Variants in ADGRF1 observed in about 807,000 individuals in gnomAD.
ADGRF1 encodes the protein G protein-coupled receptor 110.
Under a neutral mutation model 87.2 loss-of-function variants are expected in ADGRF1, and 85 were observed. The ratio of observed to expected loss-of-function variants is 0.97; its 90% CI spans 0.82 to 1.17. The LOEUF is 1.17. ADGRF1 is among the 50% of genes most tolerant of loss of function. ADGRF1 has a pLI of 0.00. For synonymous variants in ADGRF1, 430 were observed against 408.8 expected (o/e 1.05, Z -0.63); for missense variants, 1,169 against 1,077.2 (o/e 1.09, Z -1.19).
rs544831989 is a variant in ADGRF1 at position 46,999,266 on chromosome 6, G to C, written c.*956C>G. The stretch of plus-strand genomic sequence containing the variant: ...ATGAAAGAAAATAAGGATGTTTTAA[G>C]GTACCTCCCTGGAAGCTGACAACCA... On this transcript the variant is annotated 3_prime_UTR_variant, in exon 15 of 15. Coordinates refer to ENST00000371253, the MANE Select transcript of ADGRF1 (RefSeq NM_153840.4). 1 of 152,178 alleles carries C rather than the reference G, an allele frequency of 6.6e-6. No individual in the cohort carries two copies. The highest frequency in any genetic ancestry group is 1.5e-5 in the Non-Finnish European group (1 of 68,034). The allele number at this position is 152,178 out of a possible 1,614,324, so 9.4% of individuals were successfully genotyped here. A position where few individuals can be genotyped will look rare whatever the true frequency, so the allele number is the denominator to read the frequency against.
Position 47,012,192 on chromosome 6 carries a change from A to T in ADGRF1, c.931T>A (p.Phe311Ile), listed in dbSNP as rs752436331. The change falls in exon 10 of 15, where the codon TTC (phenylalanine) becomes ATC (isoleucine). Residue 311 changes from phenylalanine (F) to isoleucine (I), a missense_variant. Coordinates refer to ENST00000371253, the MANE Select transcript of ADGRF1 (RefSeq NM_153840.4). ...LSLLEELNKN[F>I]SMIVGNATEA... The stretch of plus-strand genomic sequence containing the variant: ...GTGGCATTGCCTACAATCATACTGA[A>T]ATTCTAGAAGCGAAAATGGTTAAGT... The T allele has an allele frequency of 2.5e-6, 4 of 1,604,854 alleles. No homozygotes were observed. In the Admixed American group the frequency reaches 6.7e-5, roughly 27 times the overall value.
At chr6:47,005,711 A>G (rs1779505610) in intron 13 of ADGRF1, 106 bp downstream of exon 13, 2 of 688,560 alleles carry the variant, frequency 2.9e-6, no homozygotes, top group African/African-American at 3.6e-5. Flanking sequence ...GGTGAAAGAA[A>G]TTCAAGGGGT....
intron 7 of ADGRF1, chr6:47,017,068 GAGGCCAGCTATGCAAAGAAGAAA>G (rs1285132017): frequency 1.1e-4 from 17 of 158,932 alleles, no homozygotes; most frequent in Non-Finnish European, 1.6e-4. Context: ...GCTGAGGCCT[GAGGCCAGCTATGCAAAGAAGAAA>G]AGGCCAGCTA....
rs374075389 is a variant in ADGRF1 at position 47,039,823 on chromosome 6, G to A, written c.-44+2368C>T. ...CTAAAAATACAAAAATTAGCCAGGCGTAGTGGCAGATGCCTGTAATCCCAG... is the reference window on the plus strand; with the variant it reads ...CTAAAAATACAAAAATTAGCCAGGCATAGTGGCAGATGCCTGTAATCCCAG... On this transcript the variant is annotated intron_variant, in intron 1 of 14. Coordinates refer to ENST00000371253, the MANE Select transcript of ADGRF1 (RefSeq NM_153840.4). Among the ~76,000 whole-genome samples, 33 of 152,142 alleles carry A rather than the reference G, an allele frequency of 2.2e-4. 1 individual carries two copies. The highest frequency in any genetic ancestry group is 3.8e-4 in the Non-Finnish European group (26 of 68,006).
chr6:47,019,418 TCA>T (rs2113891929), intron 7 of ADGRF1: 1 of 973,246 alleles, frequency 1.0e-6, no homozygotes, highest in Non-Finnish European at 1.2e-6. Flanking sequence ...ATGCAGAGGC[TCA>T]CACCTGTAAT....
chr6:46,998,013 C>T lies in ADGRF1; in HGVS notation c.*2209G>A, dbSNP rs1219275292. ...ATTTAGTACTAAATTTTTCTTCCCT[C>T]TCCAACTGAGTCTTGTGTTGAGTTG... On this transcript the variant is annotated 3_prime_UTR_variant, in exon 15 of 15. Transcript: ENST00000371253. 1 of 152,188 alleles carries T rather than the reference C, an allele frequency of 6.6e-6. No individual in the cohort carries two copies. Among genetic ancestry groups the T allele is most frequent in the Non-Finnish European group, 1.5e-5 (1 of 68,020 alleles). 9.4% of individuals were successfully genotyped at this position (152,188 alleles called of 1,614,324 possible).
intron 1 of ADGRF1, among the ~76,000 whole-genome samples, chr6:47,041,471 A>C (rs1266895931): frequency 6.6e-6 from 1 of 152,112 alleles, no homozygotes; most frequent in Non-Finnish European, 1.5e-5. Context: ...TTTTTCCTTC[A>C]TGTAGTCTCT....
chr6:46,997,761 T>G lies in ADGRF1; in HGVS notation c.*2461A>C, dbSNP rs759708287. 3 of 152,222 alleles carry G rather than the reference T, an allele frequency of 2.0e-5. No homozygotes were observed. Among genetic ancestry groups the G allele is most frequent in the Non-Finnish European group, 4.4e-5 (3 of 68,044 alleles). The allele number at this position is 152,222 out of a possible 1,614,324, so 9.4% of individuals were successfully genotyped here. A position where few individuals can be genotyped will look rare whatever the true frequency, so the allele number is the denominator to read the frequency against. Reference sequence around the variant, plus strand: ...TTAGTAGCATTTTGAGGTGAATGTATGCATAATCAGTGAATTAGACAAGCA... The same window carrying G: ...TTAGTAGCATTTTGAGGTGAATGTAGGCATAATCAGTGAATTAGACAAGCA... On this transcript the variant is annotated 3_prime_UTR_variant, in exon 15 of 15. Coordinates refer to ENST00000371253, the MANE Select transcript of ADGRF1 (RefSeq NM_153840.4).
At position 47,031,331 on chromosome 6, in the gene ADGRF1, T is replaced by TTC. The variant is rs368788829; in HGVS notation, c.-43-2229_-43-2228dup. Among the ~76,000 whole-genome samples the TTC allele has an allele frequency of 2.9e-3, 373 of 128,234 alleles. 1 individual carries two copies. The highest frequency in any genetic ancestry group is 4.7e-3 in the African/African-American group (159 of 34,146). The allele number at this position is 128,234 out of a possible 152,430, so 84.1% of individuals were successfully genotyped here. The stretch of plus-strand genomic sequence containing the variant: ...CTGTCTCTCTGTCTCTCTCTCTCTC[T>TTC]TCTCTCTCTCTCTCTCTCTGTCTCT... On this transcript the variant is annotated intron_variant, in intron 1 of 14. Transcript: ENST00000371253.
In ADGRF1 at chr6:47,024,037, T is replaced by C. The variant is rs767261646; in HGVS notation, c.451+7A>G. 1 of 1,612,598 alleles carries C rather than the reference T, an allele frequency of 6.2e-7. No homozygotes were observed. The highest frequency in any genetic ancestry group is 1.1e-5 in the South Asian group (1 of 90,822). On this transcript the variant is annotated splice_region_variant and intron_variant, in intron 5 of 14. Transcript: ENST00000371253. The stretch of plus-strand genomic sequence containing the variant: ...AGCCCCAGCCCAGAGCATTCTTAGT[T>C]GCTTACTTGTTCTCTCACAGAAATT...
chr6:47,022,628 C>T (rs1780093570), intron 5 of ADGRF1, among the ~76,000 whole-genome samples: 1 of 152,178 alleles, frequency 6.6e-6, no homozygotes. Flanking sequence ...CTATCTGCCT[C>T]CCATCCTCTT....
At chr6:47,019,560 T>C (rs1779978546) in intron 7 of ADGRF1, 1 of 268,166 alleles carries the variant, frequency 3.7e-6, no homozygotes, top group Non-Finnish European at 5.7e-6. Context: ...GGCACATGCC[T>C]GTAGTCCCAG....
Position 47,000,218 on chromosome 6 carries a change from T to C in ADGRF1, c.*4A>G, listed in dbSNP as rs757383600. On this transcript the variant is annotated 3_prime_UTR_variant, in exon 15 of 15. Coordinates refer to ENST00000371253, the MANE Select transcript of ADGRF1 (RefSeq NM_153840.4). The stretch of plus-strand genomic sequence containing the variant: ...ATTTTTTCTTGATTTTATGATTCCT[T>C]GCCTTATTCATTTGAGACAAACTGA... 6.2e-7 allele frequency: 1 copy of C among 1,606,084 alleles called. No individual in the cohort carries two copies. Among genetic ancestry groups the C allele is most frequent in the African/African-American group, 1.3e-5 (1 of 74,802 alleles).
chr6:47,029,166 T>C, intron 1 of ADGRF1, 62 bp from the exon 2 acceptor site: 1 of 914,320 alleles, frequency 1.1e-6, no homozygotes, highest in Non-Finnish European at 1.8e-6. Flanking sequence ...AGCCAAAATG[T>C]AAAAATGCAC....
chr6:46,998,902 G>C lies in ADGRF1; in HGVS notation c.*1320C>G, dbSNP rs1257568537. 1 of 152,228 alleles carries C rather than the reference G, an allele frequency of 6.6e-6. No individual in the cohort carries two copies. The highest frequency in any genetic ancestry group is 2.4e-5 in the African/African-American group (1 of 41,448). The allele number at this position is 152,228 out of a possible 1,614,324, so 9.4% of individuals were successfully genotyped here. On this transcript the variant is annotated 3_prime_UTR_variant, in exon 15 of 15. Coordinates refer to ENST00000371253, the MANE Select transcript of ADGRF1 (RefSeq NM_153840.4). ...TGCTGCACCTTGGTGCCTTGTGGAA[G>C]TCTAACTTTGAATTTCTCTCAGGTA... is the stretch of plus-strand genomic sequence containing the variant.
At position 47,009,218 on chromosome 6, in the gene ADGRF1, A is replaced by C. The variant is rs764135693; in HGVS notation, c.2217T>G (p.Asn739Lys). 49 of 1,614,172 alleles carry C rather than the reference A, an allele frequency of 3.0e-5. No homozygotes were observed. The highest frequency in any genetic ancestry group is 4.1e-5 in the Non-Finnish European group (48 of 1,180,028). The stretch of plus-strand genomic sequence containing the variant: ...CAAAAGCCAGGAGTGGTTTGCTTCC[A>C]TTGGACCAGTTAAGCCAACACACAT... ...RKDVCWLNWS[N>K]GSKPLLAFVV... Residue 739 changes from asparagine to lysine, a missense_variant, in exon 11 of 15, where the codon AAT becomes AAG. Asn to Lys is a moderately conservative substitution (Grantham distance 94, BLOSUM62 0). Coordinates refer to ENST00000371253, the MANE Select transcript of ADGRF1 (RefSeq NM_153840.4).
chr6:47,009,213 C>T lies in ADGRF1; in HGVS notation c.2222G>A (p.Ser741Asn), dbSNP rs775450818. The T allele has an allele frequency of 1.7e-5, 27 of 1,614,036 alleles. No individual in the cohort carries two copies. Among genetic ancestry groups the T allele is most frequent in the Non-Finnish European group, 2.1e-5 (25 of 1,180,038 alleles). ...GACAACAAAAGCCAGGAGTGGTTTG[C>T]TTCCATTGGACCAGTTAAGCCAACA... ...DVCWLNWSNG[S>N]KPLLAFVVPA... The change falls in exon 11 of 15, where the codon AGC (serine) becomes AAC (asparagine). Residue 741 changes from serine to asparagine, a missense_variant. Physicochemically the swap from Ser to Asn is conservative, Grantham distance 46. Transcript: ENST00000371253.
chr6:47,014,802 T>A lies in ADGRF1; in HGVS notation c.806A>T (p.Asp269Val). 2 of 1,613,444 alleles carry A rather than the reference T, an allele frequency of 1.2e-6. No individual in the cohort carries two copies. The highest frequency in any genetic ancestry group is 1.7e-6 in the Non-Finnish European group (2 of 1,179,624). ...DIVFGFGSKD[D>V]EYTLPCSSGY... ...ACTGCTGCAGGGCAGGGTATATTCA[T>A]CATCCTTGGACCCAAATCCAAAGAC... The change falls in exon 9 of 15, where the codon GAT becomes GTT. Residue 269 changes from aspartate to valine, a missense_variant. Coordinates refer to ENST00000371253, the MANE Select transcript of ADGRF1 (RefSeq NM_153840.4).
chr6:47,020,204 A>C, intron 7 of ADGRF1: 1 of 1,209,844 alleles, frequency 8.3e-7, no homozygotes, highest in Non-Finnish European at 1.0e-6. Flanking sequence ...CCAATATTTA[A>C]GGTCCTAGGC....
Sources: allele counts gnomAD v4.1 joint callset (sites outside exome capture counted in the v4.1 genomes callset), GRCh38; gene constraint gnomAD v4.1.1; transcripts MANE v1.5; gene names NCBI Gene and HGNC (gene_info 2026-07-23, HGNC 2026-07-21).